Variants in WSCD1 observed in about 807,000 individuals in gnomAD.
WSCD1 encodes sialate:O-sulfotransferase 1.
A neutral mutation model predicts 60.4 loss-of-function variants in WSCD1; 41 were observed. That is an observed-to-expected ratio of 0.68 (90% CI 0.53 to 0.88). WSCD1 has a LOEUF of 0.88. Among genes scored for constraint, WSCD1 ranks in the 40% least tolerant of loss-of-function variants. The probability of loss-of-function intolerance (pLI) is 0.00; values close to 1 mark genes in which losing one functional copy is unlikely to be tolerated. For synonymous variants in WSCD1, 361 were observed against 332.5 expected (o/e 1.09, Z -0.93); for missense variants, 784 against 796.2 (o/e 0.98, Z 0.18).
At chr17:6,078,770 C>G (rs538766630) in intron 1 of WSCD1, among the ~76,000 whole-genome samples, 1 of 152,148 alleles carries the variant, frequency 6.6e-6, no homozygotes, top group South Asian at 2.1e-4. Flanking sequence ...GCGCCATGAT[C>G]AGATGTGCAT....
In WSCD1 at chr17:6,081,100, G is replaced by A. The variant is rs1050801017; in HGVS notation, c.427+15G>A. 6 of 1,526,924 alleles carry A rather than the reference G, an allele frequency of 3.9e-6. No homozygotes were observed. The highest frequency in any genetic ancestry group is 5.3e-6 in the Non-Finnish European group (6 of 1,139,174). The allele number at this position is 1,526,924 out of a possible 1,614,324, so 94.6% of individuals were successfully genotyped here. A position where few individuals can be genotyped will look rare whatever the true frequency, so the allele number is the denominator to read the frequency against. On this transcript the variant is annotated intron_variant, in intron 2 of 8. Coordinates refer to ENST00000317744, the MANE Select transcript of WSCD1 (RefSeq NM_015253.2). ...CCACAGCCGAGGTAGGCGCTCAGCT[G>A]CATTTGGGGGAGCTGTTCCCAGGAC...
chr17:6,105,428 C>T (rs144043757), intron 5 of WSCD1, among the ~76,000 whole-genome samples: 32 of 152,250 alleles, frequency 2.1e-4, no homozygotes, highest in African/African-American at 7.5e-4. Context: ...CTCTCTCTCA[C>T]TGAAGCATAG....
intron 5 of WSCD1, among the ~76,000 whole-genome samples, chr17:6,095,794 G>A (rs1487039628): frequency 6.6e-6 from 1 of 152,214 alleles, no homozygotes; most frequent in Non-Finnish European, 1.5e-5. Flanking sequence ...AGGGCCTGGA[G>A]TGTGTGAAGC....
intron 1 of WSCD1, among the ~76,000 whole-genome samples, chr17:6,078,951 G>GAGAACC (rs1909048109): frequency 6.6e-6 from 1 of 152,164 alleles, no homozygotes; most frequent in African/African-American, 2.4e-5. Context: ...AGAAGCTCTG[G>GAGAACC]AGAACCGTCT....
rs183157410 is a variant in WSCD1 at position 6,078,591 on chromosome 17, C to T, written c.-288-1780C>T. ...GTGTGTGTGTGTGTGCGTGTGTGTG[C>T]GTGCATGCATGCGTGTGCATGTGAG... On this transcript the variant is annotated intron_variant, in intron 1 of 8. Coordinates refer to ENST00000317744, the MANE Select transcript of WSCD1 (RefSeq NM_015253.2). Among the ~76,000 whole-genome samples, 618 of 151,708 alleles carry T rather than the reference C, an allele frequency of 4.1e-3. 5 individuals carry two copies. The highest frequency in any genetic ancestry group is 0.014 in the African/African-American group (588 of 41,376).
chr17:6,111,149 A>C (rs1260179182), intron 7 of WSCD1, among the ~76,000 whole-genome samples: 2 of 152,122 alleles, frequency 1.3e-5, no homozygotes, highest in Non-Finnish European at 2.9e-5. Context: ...AAGTTACGCC[A>C]TTGTATCCAC....
chr17:6,083,186 G>A (rs1455435639), intron 2 of WSCD1, among the ~76,000 whole-genome samples: 2 of 152,154 alleles, frequency 1.3e-5, no homozygotes, highest in African/African-American at 4.8e-5. Flanking sequence ...AGGAGTCAAC[G>A]TTACTTGAGA....
Position 6,118,467 on chromosome 17 carries a change from T to C in WSCD1, c.1375+279T>C, listed in dbSNP as rs1395693458. The stretch of plus-strand genomic sequence containing the variant: ...CAAGAATCTTCTCTGCCTCCATGAG[T>C]GCATAGTGGGGTGATATGCACCCCT... On this transcript the variant is annotated intron_variant, in intron 8 of 8. Coordinates refer to ENST00000317744, the MANE Select transcript of WSCD1 (RefSeq NM_015253.2). This position sits in a 1 kb window ranked among gnomAD's most constrained non-coding sequence, Gnocchi z 5.8. Among the ~76,000 whole-genome samples, 1 of 152,144 alleles carries C rather than the reference T, an allele frequency of 6.6e-6. No homozygotes were observed. Among genetic ancestry groups the C allele is most frequent in the Non-Finnish European group, 1.5e-5 (1 of 68,024 alleles).
chr17:6,081,214 C>T (rs1433474786), intron 2 of WSCD1, 129 bp downstream of exon 2: 5 of 1,189,756 alleles, frequency 4.2e-6, no homozygotes, highest in South Asian at 3.3e-5. Flanking sequence ...TTCTGCTCTG[C>T]AGGACAGGAA....
At chr17:6,092,276 A>G (rs1910108860) in intron 4 of WSCD1, among the ~76,000 whole-genome samples, 1 of 151,970 alleles carries the variant, frequency 6.6e-6, no homozygotes, top group Non-Finnish European at 1.5e-5. Context: ...CCGTGGGTGA[A>G]CCTAAAGGCC....
rs1910821191 is a variant in WSCD1, at chr17:6,101,883, T to C, written c.849+6660T>C. The stretch of plus-strand genomic sequence containing the variant: ...TATTTGTGCTCAAGTAGATAGGCCA[T>C]TTGTGGGGGTGCTCCGAAAGGAGGC... On this transcript the variant is annotated intron_variant, in intron 5 of 8. Coordinates refer to ENST00000317744, the MANE Select transcript of WSCD1 (RefSeq NM_015253.2). This position sits in a 1 kb window ranked among gnomAD's most constrained non-coding sequence, Gnocchi z 4.1. 6.6e-6 allele frequency among the ~76,000 whole-genome samples: 1 copy of C among 152,124 alleles called. No individual in the cohort carries two copies. The highest frequency in any genetic ancestry group is 1.5e-5 in the Non-Finnish European group (1 of 68,020).
intron 5 of WSCD1, among the ~76,000 whole-genome samples, 168 bp downstream of exon 5, chr17:6,095,391 G>A (rs954836297): frequency 6.6e-6 from 1 of 152,192 alleles, no homozygotes. Context: ...AGAGGGAGCC[G>A]GCAGGGAGCC....
chr17:6,107,426 G>A (rs1039312873), intron 5 of WSCD1, among the ~76,000 whole-genome samples: 3 of 152,030 alleles, frequency 2.0e-5, no homozygotes, highest in African/African-American at 4.8e-5. Flanking sequence ...GCTTGAACCC[G>A]GGAGGCAGAG....
In WSCD1 at chr17:6,101,054, T is replaced by C. The variant is rs1008157335; in HGVS notation, c.849+5831T>C. Reference sequence around the variant, plus strand: ...ATGGTATCCTCTCTTCCCTCCTGAATGTTGAGGGTGGCGAGAGAGGTGAAT... The same window carrying C: ...ATGGTATCCTCTCTTCCCTCCTGAACGTTGAGGGTGGCGAGAGAGGTGAAT... On this transcript the variant is annotated intron_variant, in intron 5 of 8. Transcript: ENST00000317744. This position sits in a 1 kb window ranked among gnomAD's most constrained non-coding sequence, Gnocchi z 4.1. Among the ~76,000 whole-genome samples, 2 of 152,116 alleles carry C rather than the reference T, an allele frequency of 1.3e-5. No homozygotes were observed. The highest frequency in any genetic ancestry group is 2.9e-5 in the Non-Finnish European group (2 of 68,014).
chr17:6,105,078 C>G (rs1444201295), intron 5 of WSCD1, among the ~76,000 whole-genome samples: 1 of 152,206 alleles, frequency 6.6e-6, no homozygotes. Context: ...ACTCCTTGAC[C>G]TAGTGGCCAC....
At position 6,100,742 on chromosome 17, in the gene WSCD1, A is replaced by T. The variant is rs372383302; in HGVS notation, c.849+5519A>T. On this transcript the variant is annotated intron_variant, in intron 5 of 8. Transcript: ENST00000317744. ...AGATGCCAACAGCCCATATTCCCTC[A>T]GTTGTGACACACAGTCCCCACACAT... Among the ~76,000 whole-genome samples the T allele has an allele frequency of 7.9e-5, 12 of 152,224 alleles. No homozygotes were observed. The South Asian group carries it at 2.5e-3, about 32-fold the overall frequency.
At chr17:6,071,449 T>C (rs1908540513) in intron 1 of WSCD1, among the ~76,000 whole-genome samples, 1 of 152,216 alleles carries the variant, frequency 6.6e-6, no homozygotes, top group South Asian at 2.1e-4. Context: ...ATAGGAGTTC[T>C]AGCCTCATAG....
intron 4 of WSCD1, among the ~76,000 whole-genome samples, chr17:6,094,495 G>A (rs1202850593): frequency 6.6e-6 from 1 of 151,968 alleles, no homozygotes; most frequent in African/African-American, 2.4e-5. Context: ...ACCTACCATG[G>A]GAGGAATCTG....
intron 7 of WSCD1, among the ~76,000 whole-genome samples, chr17:6,112,004 T>G (rs1457325664): frequency 1.3e-5 from 2 of 152,212 alleles, no homozygotes; most frequent in African/African-American, 4.8e-5. Context: ...AAATTAATGA[T>G]CTAGTCTGTT....
Sources: allele counts gnomAD v4.1 joint callset (sites outside exome capture counted in the v4.1 genomes callset), GRCh38; gene constraint gnomAD v4.1.1; non-coding constraint Gnocchi (gnomAD v3.1); transcripts MANE v1.5; gene names NCBI Gene and HGNC (gene_info 2026-07-23, HGNC 2026-07-21).